Variants in SCN9A observed in about 807,000 individuals in gnomAD.
The protein encoded by SCN9A is sodium channel protein type 9 subunit alpha.
A neutral mutation model predicts 187.0 loss-of-function variants in SCN9A; 131 were observed. The observed-to-expected ratio is 0.70, with a 90% CI of 0.61 to 0.81. SCN9A has a LOEUF of 0.81. Ranked by LOEUF, SCN9A falls within the 30% of genes least tolerant of loss-of-function variation. The pLI is 0.00. For synonymous variants in SCN9A, 809 were observed against 808.6 expected (o/e 1.00, Z -0.01); for missense variants, 2,252 against 2,396.6 (o/e 0.94, Z 1.26).
At chr2:166,296,397 A>G (rs1457551421) in intron 7 of SCN9A, among the ~76,000 whole-genome samples, 1 of 152,192 alleles carries the variant, frequency 6.6e-6, no homozygotes, top group African/African-American at 2.4e-5. Flanking sequence ...TAAAACAATA[A>G]AGCCTTGCAG....
At chr2:166,254,846 T>TAAGGGGA (rs1696197490) in intron 17 of SCN9A, among the ~76,000 whole-genome samples, 2 of 151,004 alleles carry the variant, frequency 1.3e-5, no homozygotes, top group Non-Finnish European at 3.0e-5. Flanking sequence ...TAGTTATAAA[T>TAAGGGGA]AAAGTAAATA....
At chr2:166,359,980 G>C (rs566262563) in intron 1 of SCN9A, among the ~76,000 whole-genome samples, 1 of 151,878 alleles carries the variant, frequency 6.6e-6, no homozygotes, top group South Asian at 2.1e-4. Flanking sequence ...CCAGCACTTT[G>C]GGAAGCCGAG....
At chr2:166,366,494 A>G (rs1437597719) in intron 1 of SCN9A, among the ~76,000 whole-genome samples, 1 of 152,190 alleles carries the variant, frequency 6.6e-6, no homozygotes, top group Non-Finnish European at 1.5e-5. Context: ...AGAAGTGCAT[A>G]TATCTCTTTG....
At chr2:166,249,750 T>G (rs545880172) in intron 18 of SCN9A, among the ~76,000 whole-genome samples, 1 of 152,262 alleles carries the variant, frequency 6.6e-6, no homozygotes, top group Non-Finnish European at 1.5e-5. Context: ...TGAAATAGCA[T>G]AGTATTAATA....
rs200274042 is a variant in SCN9A, at chr2:166,251,874, C to T, written c.3363G>A (p.Arg1121=). The T allele has an allele frequency of 1.2e-6, 2 of 1,612,236 alleles. No homozygotes were observed. The change falls in exon 18 of 27, where the codon CGG becomes CGA. Residue 1121 remains arginine, a synonymous_variant. Coordinates refer to ENST00000642356, the MANE Select transcript of SCN9A (RefSeq NM_001365536.1). ...CTGTGCTGCACTCTGAGGAGCTTGA[C>T]CGGTTTAATCTCTAGAAAGGAATTC... is the stretch of plus-strand genomic sequence containing the variant. The part of the protein sequence containing the change: ...DSEYSKVRLN[R]SSSSECSTVD...
intron 24 of SCN9A, among the ~76,000 whole-genome samples, chr2:166,206,971 A>T (rs1336012331): frequency 1.3e-5 from 2 of 152,194 alleles, no homozygotes; most frequent in Non-Finnish European, 2.9e-5. Context: ...TATAACTTTT[A>T]AAATTCAACA....
At position 166,198,793 on chromosome 2, in the gene SCN9A, G is replaced by A; in HGVS notation, c.5846C>T (p.Thr1949Ile). 1 of 1,613,282 alleles carries A rather than the reference G, an allele frequency of 6.2e-7. No homozygotes were observed. The highest frequency in any genetic ancestry group is 1.3e-5 in the African/African-American group (1 of 75,026). Residue 1949 changes from threonine to isoleucine, a missense_variant, in exon 27 of 27, where the codon ACT becomes ATT. Thr to Ile is a moderately conservative substitution (Grantham distance 89). Around this residue, in one of 7 missense-constraint regions of SCN9A, gnomAD observed 345 missense variants for 344.6 expected, o/e 1.00. Coordinates refer to ENST00000642356, the MANE Select transcript of SCN9A (RefSeq NM_001365536.1). The stretch of plus-strand genomic sequence containing the variant: ...TGAAGGTGGAGAGGTGGTGGATGAA[G>A]TGGCATCTGTTTTTTCTGGACTTGA... ...ENSSPEKTDA[T>I]SSTTSPPSYD...
chr2:166,347,151 G>C (rs1023543848), intron 1 of SCN9A, among the ~76,000 whole-genome samples: 1 of 152,128 alleles, frequency 6.6e-6, no homozygotes, highest in African/African-American at 2.4e-5. Context: ...GTAAATTTGA[G>C]AGTCTGTCTA....
rs1553504741 is a variant in SCN9A at position 166,353,019 on chromosome 2, T to TA, written c.-51+22677dup. Among the ~76,000 whole-genome samples, 188 of 151,514 alleles carry TA rather than the reference T, an allele frequency of 1.2e-3. 1 individual carries two copies. Among genetic ancestry groups the TA allele is most frequent in the African/African-American group, 4.5e-3 (185 of 41,270 alleles). ...CTTTCCATTGTATCTGTTTTTTTTT[T>TA]AATTTCTTTCTTATTAAAACATCAC... On this transcript the variant is annotated intron_variant, in intron 1 of 26. Transcript: ENST00000642356.
chr2:166,349,056 A>AG (rs35789805), intron 1 of SCN9A, among the ~76,000 whole-genome samples: 103,135 of 151,810 alleles, frequency 0.68, 35,742 homozygotes, highest in African/African-American at 0.82. Context: ...TGAACCCAGG[A>AG]GCGGAGATTG....
intron 17 of SCN9A, among the ~76,000 whole-genome samples, chr2:166,266,305 A>G (rs1371944511): frequency 2.0e-5 from 3 of 151,950 alleles, no homozygotes; most frequent in Non-Finnish European, 4.4e-5. Flanking sequence ...GCCCAGAACC[A>G]TTTACTAAAG....
intron 1 of SCN9A, among the ~76,000 whole-genome samples, chr2:166,342,017 G>A (rs1215671386): frequency 2.0e-5 from 3 of 152,064 alleles, no homozygotes; most frequent in Non-Finnish European, 4.4e-5. Context: ...TTGTGTTTCT[G>A]CATGTGTGGC....
At chr2:166,295,624 T>G (rs1698265672) in intron 7 of SCN9A, among the ~76,000 whole-genome samples, 1 of 152,166 alleles carries the variant, frequency 6.6e-6, no homozygotes, top group Non-Finnish European at 1.5e-5. Context: ...ATATATATGG[T>G]CCGCTATTGA....
rs758710445 is a variant in SCN9A at position 166,226,633 on chromosome 2, C to A, written c.4332G>T (p.Gly1444=). 1 of 1,589,100 alleles carries A rather than the reference C, an allele frequency of 6.3e-7. No homozygotes were observed. The highest frequency in any genetic ancestry group is 1.3e-5 in the African/African-American group (1 of 74,316). Residue 1444 remains glycine, a synonymous_variant, in exon 24 of 27, where the codon GGG becomes GGT. Coordinates refer to ENST00000642356, the MANE Select transcript of SCN9A (RefSeq NM_001365536.1). The part of the protein sequence containing the change: ...YIYFVVFIIF[G]SFFTLNLFIG... ...TGAACAAGTTCAAAGTGAAGAATGACCCAAAGATGATAAAGACGACAAAAT... is the reference window on the plus strand; with the variant it reads ...TGAACAAGTTCAAAGTGAAGAATGAACCAAAGATGATAAAGACGACAAAAT...
rs902786434 is a variant in SCN9A at position 166,203,893 on chromosome 2, T to C, written c.4774+62A>G. 4.5e-5 allele frequency: 46 copies of C among 1,019,054 alleles called. 1 individual carries two copies. In the East Asian group the frequency reaches 1.1e-3, roughly 25 times the overall value. The allele number at this position is 1,019,054 out of a possible 1,614,324, so 63.1% of individuals were successfully genotyped here. ...GTTCAAGAATTCAGCATATACTTCC[T>C]TGAGCATAAGTGAAGTTTAGCTTTA... On this transcript the variant is annotated intron_variant, in intron 26 of 26. Transcript: ENST00000642356.
At chr2:166,275,743 G>A (rs1379220689) in intron 16 of SCN9A, among the ~76,000 whole-genome samples, 6 of 152,092 alleles carry the variant, frequency 3.9e-5, no homozygotes. Flanking sequence ...ACTTGAGGGT[G>A]ATCAACAATT....
chr2:166,292,257 T>A (rs35286247), intron 9 of SCN9A, among the ~76,000 whole-genome samples: 9,252 of 152,124 alleles, frequency 0.061, 356 homozygotes, highest in Middle Eastern at 0.14. Context: ...AATTGTATAA[T>A]GTAATATACT....
At position 166,197,690 on chromosome 2, in the gene SCN9A, G is replaced by A. The variant is rs1355219468; in HGVS notation, c.*982C>T. 1 of 152,088 alleles carries A rather than the reference G, an allele frequency of 6.6e-6. No homozygotes were observed. Among genetic ancestry groups the A allele is most frequent in the Non-Finnish European group, 1.5e-5 (1 of 67,992 alleles). The allele number at this position is 152,088 out of a possible 1,614,324, so 9.4% of individuals were successfully genotyped here. On this transcript the variant is annotated 3_prime_UTR_variant, in exon 27 of 27. Transcript: ENST00000642356. ...AAACAACTAACTGCATATCAGGAAG[G>A]ATTTCATCAACTTTGCTTACAGCGA...
At chr2:166,329,952 T>C (rs1358631322) in intron 1 of SCN9A, among the ~76,000 whole-genome samples, 2 of 152,146 alleles carry the variant, frequency 1.3e-5, no homozygotes, top group Non-Finnish European at 2.9e-5. Flanking sequence ...ACTCTCAACT[T>C]TTCCAAACAA....
Sources: allele counts gnomAD v4.1 joint callset (sites outside exome capture counted in the v4.1 genomes callset), GRCh38; gene constraint gnomAD v4.1.1; regional missense constraint gnomAD v4.1.1; transcripts MANE v1.5; gene names NCBI Gene and HGNC (gene_info 2026-07-23, HGNC 2026-07-21).